The following RGS6 variants were observed in gnomAD, a reference collection of about 807,000 sequenced individuals.
The protein encoded by RGS6 is regulator of G protein signaling 6.
A neutral mutation model predicts 78.5 loss-of-function variants in RGS6; 30 were observed. The ratio of observed to expected loss-of-function variants is 0.38; its 90% CI spans 0.29 to 0.52. The LOEUF (loss-of-function observed/expected upper bound fraction) is 0.52, where lower values mean the gene tolerates loss of function less well. Among genes scored for constraint, RGS6 ranks in the 20% least tolerant of loss-of-function variants. The probability of loss-of-function intolerance (pLI) is 0.85; values close to 1 mark genes in which losing one functional copy is unlikely to be tolerated. For synonymous variants in RGS6, 206 were observed against 206.0 expected (o/e 1.00, Z 0.00); for missense variants, 495 against 609.7 (o/e 0.81, Z 1.98).
chr14:72,081,957 A>C (rs2094844604), intron 2 of RGS6, among the ~76,000 whole-genome samples: 1 of 152,080 alleles, frequency 6.6e-6, no homozygotes, highest in East Asian at 1.9e-4. Flanking sequence ...ATCTTTTGTC[A>C]TATTTGTTTT....
At chr14:71,922,225 T>C in the RGS6 span, among the ~76,000 whole-genome samples, 1 of 152,232 alleles carries the variant, frequency 6.6e-6, no homozygotes, top group Non-Finnish European at 1.5e-5. Context: ...CCTCTCTTCC[T>C]CTCACAATCC....
the RGS6 span, among the ~76,000 whole-genome samples, chr14:71,910,263 T>C: frequency 6.6e-6 from 1 of 152,174 alleles, no homozygotes; most frequent in Non-Finnish European, 1.5e-5. Context: ...CTCTCTGTGC[T>C]TCCCCTTTGC....
intron 2 of RGS6, among the ~76,000 whole-genome samples, chr14:72,093,949 A>G (rs1448580996): frequency 2.0e-5 from 3 of 152,218 alleles, no homozygotes; most frequent in Admixed American, 6.5e-5. Context: ...TGAGTTTACA[A>G]TCTAATTGGG....
intron 2 of RGS6, among the ~76,000 whole-genome samples, chr14:72,203,375 T>C (rs2042007839): frequency 6.6e-6 from 1 of 152,236 alleles, no homozygotes; most frequent in Admixed American, 6.5e-5. Flanking sequence ...CTGTTAGTTA[T>C]CTATCGCTGT....
chr14:72,134,640 G>C (rs767196207), intron 2 of RGS6, among the ~76,000 whole-genome samples: 1 of 152,164 alleles, frequency 6.6e-6, no homozygotes, highest in Non-Finnish European at 1.5e-5. Flanking sequence ...ATGGGAATTG[G>C]CTCATGTGAT....
At chr14:71,872,585 A>G in the RGS6 span, among the ~76,000 whole-genome samples, 3 of 152,188 alleles carry the variant, frequency 2.0e-5, no homozygotes, top group African/African-American at 7.2e-5. Flanking sequence ...GGGTATGTGT[A>G]AATAAAGACA....
chr14:72,260,624 G>A (rs887639373), intron 2 of RGS6, among the ~76,000 whole-genome samples: 4 of 152,140 alleles, frequency 2.6e-5, no homozygotes, highest in African/African-American at 4.8e-5. Flanking sequence ...CTTTCCCCAA[G>A]CCAAGAGAGA....
intron 2 of RGS6, among the ~76,000 whole-genome samples, chr14:72,119,663 C>T (rs764253663): frequency 1.2e-4 from 18 of 152,040 alleles, no homozygotes; most frequent in South Asian, 6.2e-4. Context: ...ATGAAACAAA[C>T]GAGAGAGAAA....
chr14:72,407,394 G>C (rs1241599885), intron 3 of RGS6, among the ~76,000 whole-genome samples: 1 of 152,154 alleles, frequency 6.6e-6, no homozygotes, highest in Non-Finnish European at 1.5e-5. Flanking sequence ...CTATGGTATT[G>C]CTGTTCCTAA....
At chr14:72,296,411 A>G (rs986418870) in intron 2 of RGS6, among the ~76,000 whole-genome samples, 2 of 152,210 alleles carry the variant, frequency 1.3e-5, no homozygotes, top group African/African-American at 4.8e-5. Flanking sequence ...GAAAAAAACT[A>G]TCAGAGTTTT....
At chr14:72,171,501 C>T (rs77945948) in intron 2 of RGS6, among the ~76,000 whole-genome samples, 9,689 of 152,242 alleles carry the variant, frequency 0.064, 381 homozygotes, top group Non-Finnish European at 0.092. Context: ...CATAAGGTAC[C>T]ACTGTGATCG....
At chr14:72,495,304 C>T in intron 13 of RGS6, 42 bp downstream of exon 13, 2 of 1,225,502 alleles carry the variant, frequency 1.6e-6, no homozygotes, top group African/African-American at 1.5e-5. Context: ...TGAATGTAGA[C>T]AAAAATCCAT....
At chr14:71,920,918 G>A in the RGS6 span, among the ~76,000 whole-genome samples, 1 of 152,094 alleles carries the variant, frequency 6.6e-6, no homozygotes, top group South Asian at 2.1e-4. Context: ...GAGTAAAGAG[G>A]CAACATATGG....
intron 3 of RGS6, among the ~76,000 whole-genome samples, chr14:72,353,448 G>C (rs77483371): frequency 6.6e-6 from 1 of 152,122 alleles, no homozygotes; most frequent in African/African-American, 2.4e-5. Context: ...TCATTTTTCT[G>C]AGTGAAAGAA....
intron 3 of RGS6, among the ~76,000 whole-genome samples, chr14:72,385,025 C>T (rs1208576106): frequency 6.6e-6 from 1 of 152,182 alleles, no homozygotes; most frequent in East Asian, 1.9e-4. Context: ...GCTGGGATTA[C>T]AGGCGTGAGC....
intron 17 of RGS6, chr14:72,547,267 C>G (rs2097420778): frequency 6.5e-7 from 1 of 1,535,548 alleles, no homozygotes; most frequent in South Asian, 1.2e-5. Flanking sequence ...CTGCCAATGT[C>G]ACGGTCAAGG....
intron 13 of RGS6, among the ~76,000 whole-genome samples, chr14:72,499,820 T>C (rs2096697925): frequency 6.6e-6 from 1 of 152,198 alleles, no homozygotes; most frequent in Admixed American, 6.5e-5. Context: ...AAGGGCTTTC[T>C]GTGACCACCA....
downstream of RGS6, among the ~76,000 whole-genome samples, chr14:72,568,639 G>C (rs946613377): frequency 1.3e-5 from 2 of 152,220 alleles, no homozygotes; most frequent in African/African-American, 2.4e-5. Flanking sequence ...CGGGCCGGAG[G>C]CGCCCTCCCC....
At chr14:72,044,867 C>G (rs560212779) in intron 2 of RGS6, among the ~76,000 whole-genome samples, 2 of 97,600 alleles carry the variant, frequency 2.0e-5, no homozygotes, top group African/African-American at 8.6e-5. Context: ...AGTAAGACTC[C>G]GTCTCAAAAA....
Sources: allele counts gnomAD v4.1 joint callset (sites outside exome capture counted in the v4.1 genomes callset), GRCh38; gene constraint gnomAD v4.1.1; transcripts MANE v1.5; gene names NCBI Gene and HGNC (gene_info 2026-07-23, HGNC 2026-07-21).